Variants in GINS2 observed in about 807,000 individuals in gnomAD.
GINS2 encodes the protein DNA replication complex GINS protein PSF2.
GINS2 carries 23 observed loss-of-function variants against 21.2 expected under a neutral mutation model. The observed-to-expected ratio is 1.08, with a 90% CI of 0.78 to 1.53. The LOEUF (loss-of-function observed/expected upper bound fraction) is 1.53. Among genes scored for constraint, GINS2 ranks in the 40% most tolerant of loss-of-function variants. The probability of loss-of-function intolerance (pLI) is 0.00; values close to 1 mark genes in which losing one functional copy is unlikely to be tolerated. For missense variants in GINS2, 323 were observed against 233.9 expected (o/e 1.38, Z -2.49); for synonymous variants, 118 against 85.6 (o/e 1.38, Z -2.09).
At chr16:85,687,421 C>T (rs768128857) in intron 2 of GINS2, 39 bp downstream of exon 2, 1 of 1,276,834 alleles carries the variant, frequency 7.8e-7, no homozygotes, top group Non-Finnish European at 1.1e-6. Flanking sequence ...CCAAGCCCAG[C>T]CCCACCCACG....
intron 1 of GINS2, 108 bp downstream of exon 1, chr16:85,688,701 G>A (rs1382267281): frequency 8.0e-6 from 4 of 503,118 alleles, no homozygotes; most frequent in South Asian, 3.5e-5. Context: ...GGTGGCCTCC[G>A]CAGATGCGGG....
chr16:85,686,038 A>G (rs925837410), intron 2 of GINS2, among the ~76,000 whole-genome samples: 1 of 152,096 alleles, frequency 6.6e-6, no homozygotes, highest in African/African-American at 2.4e-5. Context: ...TAAGCTACTC[A>G]TATCTCCAAG....
At chr16:85,681,726 ATATT>A in intron 2 of GINS2, 45 bp from the exon 3 acceptor site, 2 of 1,204,882 alleles carry the variant, frequency 1.7e-6, no homozygotes, top group Non-Finnish European at 2.4e-6. Flanking sequence ...TATAACCAAG[ATATT>A]TATTAAACCT....
In GINS2 at chr16:85,686,742, C is replaced by G. The variant is rs563306536; in HGVS notation, c.205+718G>C. Reference sequence around the variant, plus strand: ...CTTTAAGATGTTTCAGGTTCATCCACGCAGTAGCATGTATCAGAATTCCAT... The same window carrying G: ...CTTTAAGATGTTTCAGGTTCATCCAGGCAGTAGCATGTATCAGAATTCCAT... On this transcript the variant is annotated intron_variant, in intron 2 of 4. Coordinates refer to ENST00000253462, the MANE Select transcript of GINS2 (RefSeq NM_016095.3). Among the ~76,000 whole-genome samples the G allele has an allele frequency of 2.6e-5, 4 of 152,208 alleles. No homozygotes were observed. In the South Asian group the frequency reaches 6.2e-4, roughly 24 times the overall value.
chr16:85,686,831 A>T (rs1365232798), intron 2 of GINS2, among the ~76,000 whole-genome samples: 3 of 152,244 alleles, frequency 2.0e-5, no homozygotes, highest in Non-Finnish European at 4.4e-5. Context: ...CATTCTCTAT[A>T]ACTGCTTCTC....
In GINS2 at chr16:85,677,357, T is replaced by C. The variant is rs947230567; in HGVS notation, c.*855A>G. ...AATTTCCCCTGAGCCCACTGTTACC[T>C]ACAACAAAGAATCCTTCCCCAAATC... On this transcript the variant is annotated 3_prime_UTR_variant, in exon 5 of 5. Transcript: ENST00000253462. 1 of 152,252 alleles carries C rather than the reference T, an allele frequency of 6.6e-6. No individual in the cohort carries two copies. The highest frequency in any genetic ancestry group is 1.5e-5 in the Non-Finnish European group (1 of 68,042). 9.4% of individuals were successfully genotyped at this position (152,252 alleles called of 1,614,324 possible).
chr16:85,680,985 C>G (rs185004435), intron 3 of GINS2, among the ~76,000 whole-genome samples: 261 of 152,326 alleles, frequency 1.7e-3, no homozygotes, highest in African/African-American at 6.1e-3. Flanking sequence ...TCAAAGGCCC[C>G]TCTGGCTGAG....
chr16:85,684,176 C>A (rs989147048), intron 2 of GINS2, among the ~76,000 whole-genome samples: 2 of 152,108 alleles, frequency 1.3e-5, no homozygotes, highest in African/African-American at 4.8e-5. Flanking sequence ...AACCCTGTCT[C>A]TATAAAAATT....
chr16:85,683,943 G>C (rs1053566584), intron 2 of GINS2, among the ~76,000 whole-genome samples: 2 of 152,200 alleles, frequency 1.3e-5, no homozygotes, highest in Non-Finnish European at 1.5e-5. Context: ...ACAAAGTTAA[G>C]CATTATCCCT....
rs576434176 is a variant in GINS2 at position 85,684,248 on chromosome 16, C to T, written c.206-2567G>A. Among the ~76,000 whole-genome samples the T allele has an allele frequency of 3.3e-5, 5 of 152,268 alleles. 1 individual carries two copies. The South Asian group carries it at 6.2e-4, about 19-fold the overall frequency. On this transcript the variant is annotated intron_variant, in intron 2 of 4. Transcript: ENST00000253462. ...ACTCAAGAAGCAGAAGTGGGAGGATCGCTTGAGCCCAGGAGGTGGAGGTTG... is the reference window on the plus strand; with the variant it reads ...ACTCAAGAAGCAGAAGTGGGAGGATTGCTTGAGCCCAGGAGGTGGAGGTTG...
chr16:85,684,023 A>G (rs2053755327), intron 2 of GINS2, among the ~76,000 whole-genome samples: 1 of 152,226 alleles, frequency 6.6e-6, no homozygotes, highest in Admixed American at 6.5e-5. Context: ...CCATGAAAAG[A>G]CGTGGACAAG....
intron 2 of GINS2, among the ~76,000 whole-genome samples, chr16:85,683,401 C>CT (rs142685018): frequency 0.045 from 6,839 of 152,234 alleles, 484 homozygotes; most frequent in African/African-American, 0.15. Context: ...CCCCTGAGCT[C>CT]TAACTCCTAA....
intron 2 of GINS2, among the ~76,000 whole-genome samples, chr16:85,686,287 G>C (rs981663929): frequency 6.6e-6 from 1 of 152,038 alleles, no homozygotes; most frequent in African/African-American, 2.4e-5. Context: ...GCGTGGTAGC[G>C]GGCGCCTGTA....
intron 3 of GINS2, among the ~76,000 whole-genome samples, chr16:85,679,098 G>A (rs1395395067): frequency 6.6e-6 from 1 of 152,168 alleles, no homozygotes; most frequent in Non-Finnish European, 1.5e-5. Flanking sequence ...CAGGAATCCA[G>A]GGCTCACAGC....
At chr16:85,685,443 A>C (rs968882412) in intron 2 of GINS2, among the ~76,000 whole-genome samples, 4 of 151,854 alleles carry the variant, frequency 2.6e-5, no homozygotes, top group Non-Finnish European at 5.9e-5. Flanking sequence ...TGAGAGGATC[A>C]CTGGAGCCCA....
intron 3 of GINS2, 34 bp from the exon 4 acceptor site, chr16:85,678,700 C>G: frequency 6.2e-7 from 1 of 1,603,772 alleles, no homozygotes; most frequent in Non-Finnish European, 8.5e-7. Flanking sequence ...AGTCGGGGAA[C>G]ACTTGATAAC....
In GINS2 at chr16:85,685,678, A is replaced by AAAAC. The variant is rs1555579563; in HGVS notation, c.205+1781_205+1782insGTTT. 1.7e-4 allele frequency among the ~76,000 whole-genome samples: 25 copies of AAAAC among 143,986 alleles called. 2 individuals carry two copies. In the East Asian group the frequency reaches 4.8e-3, roughly 28 times the overall value. 94.5% of individuals were successfully genotyped at this position (143,986 alleles called of 152,430 possible). A position where few individuals can be genotyped will look rare whatever the true frequency, so the allele number is the denominator to read the frequency against. ...AGAGCAAGACCCTTTCTCAAAAAAA[A>AAAAC]AAAAAAAAAAAAACCGTCTCAAAGC... On this transcript the variant is annotated intron_variant, in intron 2 of 4. Coordinates refer to ENST00000253462, the MANE Select transcript of GINS2 (RefSeq NM_016095.3).
In GINS2 at chr16:85,676,784, G is replaced by T. The variant is rs2053677590; in HGVS notation, c.*1428C>A. 1.3e-5 allele frequency: 2 copies of T among 152,346 alleles called. No homozygotes were observed. The highest frequency in any genetic ancestry group is 2.1e-4 in the South Asian group (1 of 4,834). 9.4% of individuals were successfully genotyped at this position (152,346 alleles called of 1,614,324 possible). ...GTGGGAGAACTGTGTGAACCCAGGA[G>T]TTCGAGGCTGCAGTGAGCTATAATC... On this transcript the variant is annotated 3_prime_UTR_variant, in exon 5 of 5. Transcript: ENST00000253462.
chr16:85,681,566 G>A lies in GINS2; in HGVS notation c.305+16C>T, dbSNP rs749344779. 1 of 1,453,330 alleles carries A rather than the reference G, an allele frequency of 6.9e-7. No homozygotes were observed. The highest frequency in any genetic ancestry group is 1.4e-5 in the African/African-American group (1 of 71,682). 90.0% of individuals were successfully genotyped at this position (1,453,330 alleles called of 1,614,324 possible). On this transcript the variant is annotated intron_variant, in intron 3 of 4. Transcript: ENST00000253462. ...CCAGTCTTGGGTGTGGCCTCTAAGA[G>A]GTGAGATCTACTTACTGATTTAACA...
Sources: gnomAD v4.1 joint callset for allele counts (sites outside exome capture counted in the v4.1 genomes callset) on GRCh38, gnomAD v4.1.1 for gene constraint, MANE v1.5 for transcripts, NCBI Gene and HGNC (gene_info 2026-07-23, HGNC 2026-07-21) for gene names.